Variants in CNTN5 observed in about 807,000 individuals in gnomAD.
The protein encoded by CNTN5 is contactin 5.
CNTN5 carries 77 observed loss-of-function variants against 129.1 expected under a neutral mutation model. That is an observed-to-expected ratio of 0.60 (90% CI 0.50 to 0.72). The LOEUF (loss-of-function observed/expected upper bound fraction) is 0.72. Ranked by LOEUF, CNTN5 falls within the 30% of genes least tolerant of loss-of-function variation. The probability of loss-of-function intolerance (pLI) is 0.00; values close to 1 mark genes in which losing one functional copy is unlikely to be tolerated. For missense variants in CNTN5, 1,478 were observed against 1,328.8 expected (o/e 1.11, Z -1.75); for synonymous variants, 509 against 465.6 (o/e 1.09, Z -1.20).
chr11:99,759,275 G>T (rs1944500212), intron 3 of CNTN5, among the ~76,000 whole-genome samples: 1 of 152,010 alleles, frequency 6.6e-6, no homozygotes, highest in South Asian at 2.1e-4. Flanking sequence ...GAAACACTTA[G>T]AAATTTTTAC....
chr11:100,043,508 T>C (rs1251828847), intron 9 of CNTN5, among the ~76,000 whole-genome samples: 1 of 152,172 alleles, frequency 6.6e-6, no homozygotes, highest in Non-Finnish European at 1.5e-5. Context: ...TTTGAAGATA[T>C]TTTTGTTTTT....
At chr11:100,184,535 AG>A (rs1948237508) in intron 13 of CNTN5, among the ~76,000 whole-genome samples, 1 of 152,196 alleles carries the variant, frequency 6.6e-6, no homozygotes, top group Non-Finnish European at 1.5e-5. Flanking sequence ...GCAAGGGAAC[AG>A]GGACACATAC....
At chr11:99,476,468 A>G (rs768534895) in intron 2 of CNTN5, among the ~76,000 whole-genome samples, 1 of 152,182 alleles carries the variant, frequency 6.6e-6, no homozygotes, top group Non-Finnish European at 1.5e-5. Flanking sequence ...TTAAAAAATT[A>G]CTTCATGAGT....
chr11:99,211,148 C>A (rs1029827811), intron 1 of CNTN5, among the ~76,000 whole-genome samples: 1 of 151,980 alleles, frequency 6.6e-6, no homozygotes, highest in African/African-American at 2.4e-5. Context: ...CGTAAAATGT[C>A]CCTTTTTATT....
chr11:100,321,445 G>GT (rs2138961637), intron 21 of CNTN5, among the ~76,000 whole-genome samples: 1 of 151,932 alleles, frequency 6.6e-6, no homozygotes, highest in South Asian at 2.1e-4. Flanking sequence ...ATTCCTAAGA[G>GT]TTTTTTGGCA....
intron 2 of CNTN5, among the ~76,000 whole-genome samples, chr11:99,361,763 T>C (rs1200826099): frequency 6.7e-6 from 1 of 149,848 alleles, no homozygotes; most frequent in African/African-American, 2.4e-5. Context: ...TGACTGCTTA[T>C]TTCACTTAGT....
At chr11:100,200,376 A>C (rs1400014669) in intron 15 of CNTN5, among the ~76,000 whole-genome samples, 1 of 151,988 alleles carries the variant, frequency 6.6e-6, no homozygotes, top group East Asian at 1.9e-4. Context: ...CATAGGCTGA[A>C]CTTTGTTCAT....
At chr11:99,788,192 T>C (rs574151755) in intron 3 of CNTN5, among the ~76,000 whole-genome samples, 55 of 152,064 alleles carry the variant, frequency 3.6e-4, no homozygotes, top group South Asian at 1.0e-3. Flanking sequence ...ATGTTACCTA[T>C]TTTTAGTTTC....
rs551396229 is a variant in CNTN5, at chr11:99,028,349, G to C, written c.-210+7079G>C. Reference sequence around the variant, plus strand: ...GGCAGTACAAAGGAAGAATATAAAAGAGAATAAATAGTTCAAACCTGGTGG... The same window carrying C: ...GGCAGTACAAAGGAAGAATATAAAACAGAATAAATAGTTCAAACCTGGTGG... On this transcript the variant is annotated intron_variant, in intron 1 of 24. Coordinates refer to ENST00000524871, the MANE Select transcript of CNTN5 (RefSeq NM_014361.4). Among the ~76,000 whole-genome samples the C allele has an allele frequency of 2.6e-4, 40 of 151,016 alleles. 1 individual carries two copies. The South Asian group carries it at 7.9e-3, about 30-fold the overall frequency.
intron 9 of CNTN5, among the ~76,000 whole-genome samples, chr11:100,056,778 C>T (rs1943245760): frequency 6.6e-6 from 1 of 151,504 alleles, no homozygotes; most frequent in Non-Finnish European, 1.5e-5. Flanking sequence ...CTCCAGGACC[C>T]TTTTTCCTGC....
chr11:99,793,940 A>G (rs148114698), intron 3 of CNTN5, among the ~76,000 whole-genome samples: 190 of 152,280 alleles, frequency 1.2e-3, no homozygotes, highest in African/African-American at 4.5e-3. Flanking sequence ...CATTAACTCA[A>G]GTGTTGAGTT....
chr11:99,451,990 A>G (rs1265861939), intron 2 of CNTN5, among the ~76,000 whole-genome samples: 4 of 152,118 alleles, frequency 2.6e-5, no homozygotes, highest in Non-Finnish European at 4.4e-5. Flanking sequence ...CCGAAGTACA[A>G]ATTGCTATGT....
intron 19 of CNTN5, 140 bp downstream of exon 19, chr11:100,297,835 G>A (rs1951128734): frequency 1.6e-6 from 1 of 627,310 alleles, no homozygotes; most frequent in Non-Finnish European, 2.9e-6. Context: ...AACCACTGCT[G>A]AATAAATGCC....
At chr11:99,452,004 C>G (rs951347131) in intron 2 of CNTN5, among the ~76,000 whole-genome samples, 9 of 152,166 alleles carry the variant, frequency 5.9e-5, no homozygotes, top group Non-Finnish European at 1.0e-4. Context: ...GCTATGTGTT[C>G]AAACTTCACA....
intron 3 of CNTN5, among the ~76,000 whole-genome samples, chr11:99,682,454 A>G (rs1953599066): frequency 6.6e-6 from 1 of 151,994 alleles, no homozygotes; most frequent in African/African-American, 2.4e-5. Flanking sequence ...AATGGGGACT[A>G]TATAAACTAT....
At chr11:99,773,290 C>T (rs1945006599) in intron 3 of CNTN5, among the ~76,000 whole-genome samples, 1 of 152,046 alleles carries the variant, frequency 6.6e-6, no homozygotes, top group South Asian at 2.1e-4. Context: ...TGCAAATCCC[C>T]AAAGAAATTA....
At chr11:99,070,260 AG>A (rs1865290442) in intron 1 of CNTN5, among the ~76,000 whole-genome samples, 2 of 152,142 alleles carry the variant, frequency 1.3e-5, no homozygotes, top group Admixed American at 1.3e-4. Context: ...CTTTTTGCAC[AG>A]GTCTCACCCT....
At chr11:99,467,501 T>A (rs569172925) in intron 2 of CNTN5, among the ~76,000 whole-genome samples, 1 of 152,292 alleles carries the variant, frequency 6.6e-6, no homozygotes, top group East Asian at 1.9e-4. Flanking sequence ...GAATGTCTGA[T>A]CCTTGTATAA....
chr11:100,286,748 T>A (rs1306609809), intron 18 of CNTN5, among the ~76,000 whole-genome samples: 1 of 148,406 alleles, frequency 6.7e-6, no homozygotes, highest in Non-Finnish European at 1.5e-5. Context: ...GGAACAAAGC[T>A]GGATGGAGAA....
Sources: allele counts gnomAD v4.1 joint callset (sites outside exome capture counted in the v4.1 genomes callset), GRCh38; gene constraint gnomAD v4.1.1; transcripts MANE v1.5; gene names NCBI Gene and HGNC (gene_info 2026-07-23, HGNC 2026-07-21).